The following DIAPH3 variants were observed in gnomAD, a reference collection of about 807,000 sequenced individuals.
DIAPH3 encodes diaphanous related formin 3, also known as protein diaphanous homolog 3.
Under a neutral mutation model 144.3 loss-of-function variants are expected in DIAPH3, and 117 were observed. That is an observed-to-expected ratio of 0.81 (90% CI 0.70 to 0.95). The LOEUF (loss-of-function observed/expected upper bound fraction) is 0.95. Ranked by LOEUF, DIAPH3 falls within the 40% of genes least tolerant of loss-of-function variation. The probability of loss-of-function intolerance (pLI) is 0.00; values close to 1 mark genes in which losing one functional copy is unlikely to be tolerated. For missense variants in DIAPH3, 1,421 were observed against 1,412.7 expected (o/e 1.01, Z -0.09); for synonymous variants, 519 against 488.9 (o/e 1.06, Z -0.81).
intron 25 of DIAPH3, among the ~76,000 whole-genome samples, chr13:59,794,483 T>C (rs111474663): frequency 3.3e-5 from 5 of 151,912 alleles, no homozygotes; most frequent in African/African-American, 1.2e-4. Context: ...GATTCTTATA[T>C]AGCCTGTCAG....
intron 4 of DIAPH3, among the ~76,000 whole-genome samples, chr13:60,050,121 G>T (rs2056267662): frequency 6.6e-6 from 1 of 152,158 alleles, no homozygotes; most frequent in South Asian, 2.1e-4. Context: ...TTGAGCCCAG[G>T]AGTTTGAGGT....
At chr13:60,148,079 A>C (rs1951618309) in intron 1 of DIAPH3, among the ~76,000 whole-genome samples, 1 of 152,248 alleles carries the variant, frequency 6.6e-6, no homozygotes, top group Non-Finnish European at 1.5e-5. Flanking sequence ...TAACCAATGC[A>C]TATGGAAGTT....
chr13:59,931,024 A>G (rs930148899), intron 17 of DIAPH3, among the ~76,000 whole-genome samples: 2 of 152,204 alleles, frequency 1.3e-5, no homozygotes, highest in African/African-American at 4.8e-5. Flanking sequence ...GAGCACCTGT[A>G]CTTAACATGC....
At chr13:59,942,316 A>G (rs1199737254) in intron 17 of DIAPH3, among the ~76,000 whole-genome samples, 1 of 152,162 alleles carries the variant, frequency 6.6e-6, no homozygotes, top group Non-Finnish European at 1.5e-5. Context: ...GGTCATTTCT[A>G]AGCTGTAACT....
intron 4 of DIAPH3, among the ~76,000 whole-genome samples, chr13:60,085,618 C>T (rs2057721875): frequency 6.6e-6 from 1 of 152,102 alleles, no homozygotes; most frequent in South Asian, 2.1e-4. Flanking sequence ...AGAGTTATTG[C>T]TCCTGGATAC....
intron 24 of DIAPH3, among the ~76,000 whole-genome samples, chr13:59,830,778 T>G (rs932577870): frequency 2.6e-5 from 4 of 152,002 alleles, no homozygotes; most frequent in Non-Finnish European, 4.4e-5. Flanking sequence ...AGTGGTCATT[T>G]TTTGGAACAA....
At chr13:59,689,483 G>T (rs1030753703) in intron 27 of DIAPH3, among the ~76,000 whole-genome samples, 2 of 152,070 alleles carry the variant, frequency 1.3e-5, no homozygotes, top group African/African-American at 4.8e-5. Context: ...AATAAAATTT[G>T]ATTAGACAGT....
chr13:60,052,540 A>G (rs1230098420), intron 4 of DIAPH3, among the ~76,000 whole-genome samples: 2 of 152,102 alleles, frequency 1.3e-5, no homozygotes, highest in African/African-American at 4.8e-5. Flanking sequence ...AGTCTGTCAT[A>G]CATGCCAGCA....
At chr13:59,893,992 T>C (rs1012170034) in intron 20 of DIAPH3, among the ~76,000 whole-genome samples, 2 of 152,138 alleles carry the variant, frequency 1.3e-5, no homozygotes, top group Non-Finnish European at 2.9e-5. Flanking sequence ...ACAAGTAAAA[T>C]TCATTCAGGG....
chr13:60,157,565 C>G (rs1211711304), intron 1 of DIAPH3, among the ~76,000 whole-genome samples: 3 of 152,144 alleles, frequency 2.0e-5, no homozygotes, highest in Admixed American at 2.0e-4. Flanking sequence ...TCTATTAATG[C>G]TTACAACTGA....
intron 27 of DIAPH3, among the ~76,000 whole-genome samples, chr13:59,670,791 G>T (rs917495545): frequency 6.6e-6 from 1 of 152,056 alleles, no homozygotes; most frequent in Admixed American, 6.6e-5. Flanking sequence ...CACTGTGTTA[G>T]CCAGGATGGT....
intron 18 of DIAPH3, among the ~76,000 whole-genome samples, chr13:59,922,156 A>G (rs2047550414): frequency 6.6e-6 from 1 of 152,080 alleles, no homozygotes; most frequent in Non-Finnish European, 1.5e-5. Context: ...GAAGATAAGG[A>G]TCTCCACTTT....
chr13:60,054,424 T>C (rs2056478798), intron 4 of DIAPH3, among the ~76,000 whole-genome samples: 1 of 152,040 alleles, frequency 6.6e-6, no homozygotes, highest in Non-Finnish European at 1.5e-5. Flanking sequence ...TACGTTCTCA[T>C]AGTGATAAGA....
chr13:59,734,118 T>C (rs532101664), intron 27 of DIAPH3, among the ~76,000 whole-genome samples: 163 of 152,348 alleles, frequency 1.1e-3, no homozygotes, highest in Middle Eastern at 6.8e-3. Flanking sequence ...ATAAAACTAT[T>C]TATTTATATT....
intron 2 of DIAPH3, among the ~76,000 whole-genome samples, chr13:60,131,419 G>C (rs1204275307): frequency 5.0e-5 from 6 of 119,752 alleles, no homozygotes; most frequent in African/African-American, 2.0e-4. Flanking sequence ...CTGGACAACA[G>C]AGCGAGACCC....
intron 2 of DIAPH3, among the ~76,000 whole-genome samples, chr13:60,121,559 GC>G (rs1423033689): frequency 1.3e-5 from 2 of 152,200 alleles, no homozygotes; most frequent in African/African-American, 2.4e-5. Flanking sequence ...AGAGCTGGAA[GC>G]TTTTGAAGTA....
intron 4 of DIAPH3, among the ~76,000 whole-genome samples, chr13:60,055,700 T>A (rs1022676928): frequency 1.3e-5 from 2 of 151,810 alleles, no homozygotes. Flanking sequence ...AAAGAATATC[T>A]ACAGTATATT....
chr13:60,156,310 T>G (rs1952019024), intron 1 of DIAPH3, among the ~76,000 whole-genome samples: 1 of 152,144 alleles, frequency 6.6e-6, no homozygotes, highest in Admixed American at 6.5e-5. Flanking sequence ...GTAAAGTCCT[T>G]TAAAAAAGAA....
At chr13:60,079,621 A>T (rs2057483838) in intron 4 of DIAPH3, among the ~76,000 whole-genome samples, 1 of 151,924 alleles carries the variant, frequency 6.6e-6, no homozygotes, top group African/African-American at 2.4e-5. Context: ...CATACACAAA[A>T]ATGGTTATCA....
Sources: gnomAD v4.1 joint callset for allele counts (sites outside exome capture counted in the v4.1 genomes callset) on GRCh38, gnomAD v4.1.1 for gene constraint, MANE v1.5 for transcripts, NCBI Gene and HGNC (gene_info 2026-07-23, HGNC 2026-07-21) for gene names.